The following PREX1 variants were observed in gnomAD, a reference collection of about 807,000 sequenced individuals.
The protein encoded by PREX1 is phosphatidylinositol-3,4,5-trisphosphate dependent Rac exchange factor 1.
PREX1 carries 41 observed loss-of-function variants against 198.3 expected under a neutral mutation model. That is an observed-to-expected ratio of 0.21 (90% CI 0.16 to 0.27). The LOEUF is 0.27. PREX1 is among the 10% of genes least tolerant of loss of function. The pLI, the probability that PREX1 is intolerant of heterozygous loss-of-function variation, is 1.00. For missense variants in PREX1, 1,620 were observed against 2,200.7 expected (o/e 0.74, Z 5.28); for synonymous variants, 843 against 887.2 (o/e 0.95, Z 0.89).
rs565988787 is a variant in PREX1, at chr20:48,811,433, G to C, written c.219+16209C>G. Among the ~76,000 whole-genome samples, 35 of 152,238 alleles carry C rather than the reference G, an allele frequency of 2.3e-4. 1 individual carries two copies. The highest frequency in any genetic ancestry group is 8.2e-4 in the African/African-American group (34 of 41,526). On this transcript the variant is annotated intron_variant, in intron 1 of 39. Coordinates refer to ENST00000371941, the MANE Select transcript of PREX1 (RefSeq NM_020820.4). ...GTTCTGATCATAAGTAAAAGGAGGG[G>C]CCCTGCTTTCATCACATCTGTGGCC...
intron 10 of PREX1, among the ~76,000 whole-genome samples, chr20:48,681,861 G>T (rs1403450718): frequency 6.6e-6 from 1 of 152,130 alleles, no homozygotes; most frequent in Non-Finnish European, 1.5e-5. Flanking sequence ...GATCACAGAT[G>T]GCTAGATGGA....
At chr20:48,771,420 C>T (rs957389071) in intron 1 of PREX1, among the ~76,000 whole-genome samples, 6 of 151,836 alleles carry the variant, frequency 4.0e-5, no homozygotes, top group African/African-American at 1.5e-4. Context: ...TTGTTGTCTC[C>T]GCTAAGTGTT....
At chr20:48,798,207 C>T (rs2090371545) in intron 1 of PREX1, among the ~76,000 whole-genome samples, 1 of 152,058 alleles carries the variant, frequency 6.6e-6, no homozygotes, top group African/African-American at 2.4e-5. Flanking sequence ...TCTAGTTTCC[C>T]CTCCTCCACT....
intron 5 of PREX1, 111 bp downstream of exon 5, chr20:48,726,179 C>T (rs1228659532): frequency 1.6e-5 from 14 of 855,124 alleles, no homozygotes; most frequent in Non-Finnish European, 2.5e-5. Flanking sequence ...AAATCCAGCC[C>T]GGCCCAAAGC....
At chr20:48,878,964 G>A in the PREX1 span, among the ~76,000 whole-genome samples, 1 of 152,224 alleles carries the variant, frequency 6.6e-6, no homozygotes. Flanking sequence ...ACTCACTTGT[G>A]AGTAAAATCA....
intron 3 of PREX1, among the ~76,000 whole-genome samples, chr20:48,740,719 TA>T (rs1196744559): frequency 2.6e-5 from 4 of 152,206 alleles, no homozygotes; most frequent in African/African-American, 9.7e-5. Flanking sequence ...AATTTTTAAT[TA>T]AAAAGATGAT....
At chr20:48,646,112 T>C (rs1030018565) in intron 25 of PREX1, 55 bp from the exon 26 acceptor site, 7 of 1,562,016 alleles carry the variant, frequency 4.5e-6, no homozygotes, top group African/African-American at 1.4e-5. Flanking sequence ...TTTGTGTCCC[T>C]TCCCTGAAAA....
chr20:48,779,247 C>G (rs990794228), intron 1 of PREX1, among the ~76,000 whole-genome samples: 1 of 152,198 alleles, frequency 6.6e-6, no homozygotes, highest in South Asian at 2.1e-4. Flanking sequence ...AAAAGATAGG[C>G]AGCATCATTA....
intron 1 of PREX1, among the ~76,000 whole-genome samples, chr20:48,754,904 C>A: frequency 6.6e-6 from 1 of 152,166 alleles, no homozygotes; most frequent in East Asian, 1.9e-4. Flanking sequence ...AGCCGCCCCA[C>A]ACAGCCCAGA....
At chr20:48,882,241 G>T in the PREX1 span, among the ~76,000 whole-genome samples, 25 of 152,140 alleles carry the variant, frequency 1.6e-4, 1 homozygote, top group South Asian at 5.0e-3. Context: ...GGTGGCTCAC[G>T]CCTGTAATCC....
intron 14 of PREX1, among the ~76,000 whole-genome samples, chr20:48,667,738 G>A (rs6019356): frequency 4.6e-5 from 7 of 152,330 alleles, no homozygotes; most frequent in South Asian, 4.1e-4. Context: ...GGCACGGCCC[G>A]TGTGCTGGAC....
rs569009036 is a variant in PREX1, at chr20:48,749,334, T to C, written c.220-1454A>G. Among the ~76,000 whole-genome samples, 44 of 152,220 alleles carry C rather than the reference T, an allele frequency of 2.9e-4. No individual in the cohort carries two copies. In the East Asian group the frequency reaches 7.5e-3, roughly 26 times the overall value. On this transcript the variant is annotated intron_variant, in intron 1 of 39. Transcript: ENST00000371941. ...CTGCCCTGCCAAGATGGATGACAGA[T>C]TGGGGGTCCACACGGGGGCTGCTCC... is the stretch of plus-strand genomic sequence containing the variant.
chr20:48,862,256 C>T, the PREX1 span, among the ~76,000 whole-genome samples: 2 of 151,950 alleles, frequency 1.3e-5, no homozygotes, highest in African/African-American at 2.4e-5. Context: ...ACCAAAAAGG[C>T]TCTTATTAAA....
intron 17 of PREX1, among the ~76,000 whole-genome samples, chr20:48,657,820 C>G (rs1438577968): frequency 6.6e-6 from 1 of 152,220 alleles, no homozygotes; most frequent in Non-Finnish European, 1.5e-5. Flanking sequence ...ATGAGCTTAT[C>G]TTATTCAAGC....
rs911035256 is a variant in PREX1 at position 48,661,904 on chromosome 20, G to C, written c.1739-1843C>G. Among the ~76,000 whole-genome samples, 3 of 152,132 alleles carry C rather than the reference G, an allele frequency of 2.0e-5. 1 individual carries two copies. The highest frequency in any genetic ancestry group is 4.4e-5 in the Non-Finnish European group (3 of 68,030). Reference sequence around the variant, plus strand: ...GAGGCAGGGCTGAGTATAAACAGTGGACAAAGGTGGAAATCAAGGCTCGGA... The same window carrying C: ...GAGGCAGGGCTGAGTATAAACAGTGCACAAAGGTGGAAATCAAGGCTCGGA... On this transcript the variant is annotated intron_variant, in intron 15 of 39. Coordinates refer to ENST00000371941, the MANE Select transcript of PREX1 (RefSeq NM_020820.4).
At chr20:48,848,755 T>G in the PREX1 span, among the ~76,000 whole-genome samples, 7 of 151,228 alleles carry the variant, frequency 4.6e-5, no homozygotes, top group Non-Finnish European at 7.4e-5. Flanking sequence ...TTAGGGGGGG[T>G]GGTTGGAGTC....
chr20:48,753,407 G>C (rs2090142759), intron 1 of PREX1, among the ~76,000 whole-genome samples: 1 of 152,096 alleles, frequency 6.6e-6, no homozygotes, highest in African/African-American at 2.4e-5. Context: ...TTACCCCCTA[G>C]AAGACATGTG....
intron 1 of PREX1, among the ~76,000 whole-genome samples, chr20:48,790,988 T>C (rs993139321): frequency 2.0e-5 from 3 of 152,118 alleles, no homozygotes; most frequent in African/African-American, 7.2e-5. Context: ...GTGACTGCTA[T>C]CACCACCCGG....
At chr20:48,696,977 TACACAC>T (rs11467059) in intron 7 of PREX1, among the ~76,000 whole-genome samples, 44,712 of 148,590 alleles carry the variant, frequency 0.3, 8,871 homozygotes, top group African/African-American at 0.58. Flanking sequence ...TAAATCTCTT[TACACAC>T]ACACACACAC....
Sources: allele counts gnomAD v4.1 joint callset (sites outside exome capture counted in the v4.1 genomes callset), GRCh38; gene constraint gnomAD v4.1.1; transcripts MANE v1.5; gene names NCBI Gene and HGNC (gene_info 2026-07-23, HGNC 2026-07-21).